ZIC5: variants seen among roughly 807,000 people sequenced by gnomAD.
ZIC5 encodes zinc finger protein ZIC 5.
Under a neutral mutation model 28.5 loss-of-function variants are expected in ZIC5, and 20 were observed. That is an observed-to-expected ratio of 0.70 (90% CI 0.49 to 1.02). ZIC5 has a LOEUF of 1.02. Among genes scored for constraint, ZIC5 ranks in the 50% least tolerant of loss-of-function variants. The pLI is 0.00. For synonymous variants in ZIC5, 488 were observed against 410.4 expected (o/e 1.19, Z -2.29); for missense variants, 951 against 899.7 (o/e 1.06, Z -0.73).
rs763986992 is a variant in ZIC5, at chr13:99,971,037, G to C, written c.567C>G (p.His189Gln). 7.0e-6 allele frequency: 10 copies of C among 1,423,190 alleles called. No individual in the cohort carries two copies. The highest frequency in any genetic ancestry group is 6.0e-5 in the South Asian group (4 of 67,028). 88.2% of individuals were successfully genotyped at this position (1,423,190 alleles called of 1,614,324 possible). A position where few individuals can be genotyped will look rare whatever the true frequency, so the allele number is the denominator to read the frequency against. ...LSATAPAAAM[H>Q]GAPLGGEQRS... ...GCTGCTCCCCTCCGAGCGGGGCCCC[G>C]TGCATGGCCGCCGCGGGGGCCGTGG... The change falls in exon 1 of 2, where the codon CAC becomes CAG. Residue 189 changes from histidine (H) to glutamine (Q), a missense_variant. Around this residue, in one of 3 missense-constraint regions of ZIC5, gnomAD observed 784 missense variants for 660.1 expected, o/e 1.19. Transcript: ENST00000267294.
chr13:99,970,427 G>A lies in ZIC5; in HGVS notation c.1177C>T (p.Pro393Ser). The A allele has an allele frequency of 1.0e-6, 1 of 999,840 alleles. No homozygotes were observed. Among genetic ancestry groups the A allele is most frequent in the Non-Finnish European group, 1.2e-6 (1 of 833,578 alleles). The allele number at this position is 999,840 out of a possible 1,614,324, so 61.9% of individuals were successfully genotyped here. ...GCCGGGGGCGGTGGCGGCGGCGGCG[G>A]CGGCGGCGGCGGCGGCGGCGGCAGC... ...AGLPPPPPPP[P>S]PPPPPPPAGG... Residue 393 changes from proline to serine, a missense_variant, in exon 1 of 2, where the codon CCG (proline) becomes TCG (serine). By Grantham distance (74) the Pro-to-Ser change is moderately conservative. Transcript: ENST00000267294.
Position 99,971,523 on chromosome 13 carries a change from C to T in ZIC5, c.81G>A (p.Gln27=). Residue 27 remains glutamine, a synonymous_variant, in exon 1 of 2, where the codon CAG becomes CAA. Transcript: ENST00000267294. ...CCAGCGCCGGGAAGCCTGTCATATT[C>T]TGAAGCGGCTGGACCTGAGCCGTTG... The part of the protein sequence containing the change: ...DLATAQVQPL[Q]NMTGFPALAG... 1 of 1,551,960 alleles carries T rather than the reference C, an allele frequency of 6.4e-7. No individual in the cohort carries two copies. Among genetic ancestry groups the T allele is most frequent in the Non-Finnish European group, 8.7e-7 (1 of 1,147,166 alleles).
At chr13:99,969,344 C>T (rs1174244107) in intron 1 of ZIC5, among the ~76,000 whole-genome samples, 3 of 152,194 alleles carry the variant, frequency 2.0e-5, no homozygotes, top group Admixed American at 6.5e-5. Flanking sequence ...ACTCCAGCAC[C>T]CTCCAGGGCG....
Position 99,971,149 on chromosome 13 carries a change from G to C in ZIC5, c.455C>G (p.Ser152Trp). The part of the protein sequence containing the change: ...PPPPPPPPAL[S>W]GYTTTNSGGG... ...GCCACTGTTGGTGGTGGTGTAGCCC[G>C]AGAGGGCAGGAGGAGGAGGAGGCGG... is the stretch of plus-strand genomic sequence containing the variant. Residue 152 changes from serine (S) to tryptophan (W), a missense_variant, in exon 1 of 2, where the codon TCG becomes TGG. Coordinates refer to ENST00000267294, the MANE Select transcript of ZIC5 (RefSeq NM_033132.5). The C allele has an allele frequency of 7.2e-7, 1 of 1,395,390 alleles. No individual in the cohort carries two copies. Among genetic ancestry groups the C allele is most frequent in the East Asian group, 3.0e-5 (1 of 32,834 alleles). The allele number at this position is 1,395,390 out of a possible 1,614,324, so 86.4% of individuals were successfully genotyped here.
chr13:99,966,662 C>A (rs1217945878), intron 1 of ZIC5, among the ~76,000 whole-genome samples: 1 of 152,152 alleles, frequency 6.6e-6, no homozygotes, highest in Non-Finnish European at 1.5e-5. Flanking sequence ...TCTCACAGCT[C>A]CCTACATTGC....
rs1470972247 is a variant in ZIC5, at chr13:99,971,322, C to T, written c.282G>A (p.Pro94=). 3 of 1,375,106 alleles carry T rather than the reference C, an allele frequency of 2.2e-6. No homozygotes were observed. The highest frequency in any genetic ancestry group is 3.1e-5 in the African/African-American group (2 of 65,064). The allele number at this position is 1,375,106 out of a possible 1,614,324, so 85.2% of individuals were successfully genotyped here. A position where few individuals can be genotyped will look rare whatever the true frequency, so the allele number is the denominator to read the frequency against. ...AGGCTGCAGCACGGGCGGCGGCTGC[C>T]GGAGCCTCCGGGTGTGCCGGGAACG... is the stretch of plus-strand genomic sequence containing the variant. ...SQAFPAHPEA[P]AAAARAAALV... is the part of the protein sequence containing the mutation. Residue 94 remains proline (P), a synonymous_variant, in exon 1 of 2, where the codon CCG becomes CCA. Transcript: ENST00000267294.
chr13:99,968,940 G>C (rs1024447078), intron 1 of ZIC5, among the ~76,000 whole-genome samples: 1 of 152,242 alleles, frequency 6.6e-6, no homozygotes, highest in Non-Finnish European at 1.5e-5. Context: ...CCCGGCCCGA[G>C]CGTGGGACCC....
rs1348730714 is a variant in ZIC5, at chr13:99,965,584, C to T, written c.1713G>A (p.Val571=). Residue 571 remains valine, a synonymous_variant, in exon 2 of 2, where the codon GTG becomes GTA. Transcript: ENST00000267294. The stretch of plus-strand genomic sequence containing the variant: ...CCAGCACAGGGGACAAGGGGGCGCC[C>T]ACTGGAGTCCCCACTGATGAGTAAC... ...PLGYSSVGTP[V]GAPLSPVLDP... is the part of the protein sequence containing the mutation. The T allele has an allele frequency of 7.4e-6, 12 of 1,613,840 alleles. No homozygotes were observed. The highest frequency in any genetic ancestry group is 1.7e-5 in the Admixed American group (1 of 60,004).
At chr13:99,969,188 C>T (rs1010665734) in intron 1 of ZIC5, among the ~76,000 whole-genome samples, 2 of 152,200 alleles carry the variant, frequency 1.3e-5, no homozygotes, top group Non-Finnish European at 1.5e-5. Flanking sequence ...GCTGTGGGAT[C>T]CCCAGAGGCA....
intron 1 of ZIC5, 23 bp downstream of exon 1, chr13:99,970,104 C>T (rs1464430534): frequency 1.9e-6 from 3 of 1,606,630 alleles, no homozygotes; most frequent in East Asian, 2.2e-5. Flanking sequence ...GCGGCGGCGG[C>T]GCGGCCGGGG....
In ZIC5 at chr13:99,964,528, T is replaced by C. The variant is rs905552915; in HGVS notation, c.*849A>G. 6.6e-6 allele frequency: 1 copy of C among 152,500 alleles called. No individual in the cohort carries two copies. Among genetic ancestry groups the C allele is most frequent in the Non-Finnish European group, 1.5e-5 (1 of 68,030 alleles). 9.4% of individuals were successfully genotyped at this position (152,500 alleles called of 1,614,324 possible). A position where few individuals can be genotyped will look rare whatever the true frequency, so the allele number is the denominator to read the frequency against. ...ATATAGGAAAAAGAAAGCACTTGAA[T>C]TTCTTCTATTTTATAAAATATCACA... On this transcript the variant is annotated 3_prime_UTR_variant, in exon 2 of 2. Transcript: ENST00000267294.
In ZIC5 at chr13:99,965,431, C is replaced by T; in HGVS notation, c.1866G>A (p.Glu622=). Residue 622 remains glutamate, a synonymous_variant, in exon 2 of 2, where the codon GAG becomes GAA. Transcript: ENST00000267294. The stretch of plus-strand genomic sequence containing the variant: ...TCCCGTAAATTTCCTCATCTTCAGT[C>T]TCAGAGGTGGTTCCGTTGCTGGAAG... The part of the protein sequence containing the change: ...HTPSSNGTTS[E]TEDEEIYGNP... 2 of 1,614,132 alleles carry T rather than the reference C, an allele frequency of 1.2e-6. No homozygotes were observed. Among genetic ancestry groups the T allele is most frequent in the South Asian group, 2.2e-5 (2 of 91,072 alleles).
rs755458508 is a variant in ZIC5 at position 99,970,161 on chromosome 13, G to T, written c.1443C>A (p.Ser481=). Residue 481 remains serine (S), a synonymous_variant, in exon 1 of 2, where the codon TCC becomes TCA. Transcript: ENST00000267294. ...TACGCTTGTGGATCTTGAGGTTCTC[G>T]GAGCGCGCGAAGACCTTGCCGCAGC... ...FPGCGKVFAR[S]ENLKIHKRTH... 1 of 1,610,862 alleles carries T rather than the reference G, an allele frequency of 6.2e-7. No homozygotes were observed. The highest frequency in any genetic ancestry group is 8.5e-7 in the Non-Finnish European group (1 of 1,178,924).
chr13:99,970,011 G>A, intron 1 of ZIC5, 116 bp downstream of exon 1: 6 of 1,490,380 alleles, frequency 4.0e-6, no homozygotes, highest in South Asian at 3.5e-5. Flanking sequence ...AAGAGAAGCA[G>A]CAGAAGGAGA....
rs2053139171 is a variant in ZIC5, at chr13:99,970,363, A to G, written c.1241T>C (p.Met414Thr). ...AKPCSKTFGT[M>T]HELVNHVTVE... ...CGTGACGTGATTCACCAGCTCGTGC[A>G]TGGTGCCGAAAGTTTTGGAGCAGGG... The change falls in exon 1 of 2, where the codon ATG (methionine) becomes ACG (threonine). Residue 414 changes from methionine (M) to threonine (T), a missense_variant. Coordinates refer to ENST00000267294, the MANE Select transcript of ZIC5 (RefSeq NM_033132.5). The G allele has an allele frequency of 3.1e-6, 5 of 1,596,614 alleles. No homozygotes were observed. Among genetic ancestry groups the G allele is most frequent in the Non-Finnish European group, 4.3e-6 (5 of 1,173,552 alleles).
At position 99,965,204 on chromosome 13, in the gene ZIC5, A is replaced by T; in HGVS notation, c.*173T>A. The T allele has an allele frequency of 2.3e-6, 1 of 432,282 alleles. No homozygotes were observed. Among genetic ancestry groups the T allele is most frequent in the Non-Finnish European group, 3.8e-6 (1 of 264,012 alleles). The allele number at this position is 432,282 out of a possible 1,614,324, so 26.8% of individuals were successfully genotyped here. A position where few individuals can be genotyped will look rare whatever the true frequency, so the allele number is the denominator to read the frequency against. ...AAAAAAAAGCCCAAATATCTTAATT[A>T]AATTAATTAAATGTACAAACACCAT... On this transcript the variant is annotated 3_prime_UTR_variant, in exon 2 of 2. Transcript: ENST00000267294.
In ZIC5 at chr13:99,970,900, A is replaced by G. The variant is rs1203235726; in HGVS notation, c.704T>C (p.Leu235Pro). The change falls in exon 1 of 2, where the codon CTC (leucine) becomes CCC (proline). Residue 235 changes from leucine (L) to proline (P), a missense_variant. Around this residue, in one of 3 missense-constraint regions of ZIC5, gnomAD observed 784 missense variants for 660.1 expected, o/e 1.19. Transcript: ENST00000267294. The stretch of plus-strand genomic sequence containing the variant: ...CGGCGTGTCGTGCAGCGCGGGGAAG[A>G]GCGCCGGGCCGCCGCTGCCGTCCGG... Reference protein sequence around the residue: ...AGPDGSGGPALFPALHDTPGA... With the variant: ...AGPDGSGGPAPFPALHDTPGA... The G allele has an allele frequency of 1.5e-6, 2 of 1,341,042 alleles. No individual in the cohort carries two copies. Among genetic ancestry groups the G allele is most frequent in the Non-Finnish European group, 1.9e-6 (2 of 1,057,158 alleles). The allele number at this position is 1,341,042 out of a possible 1,614,324, so 83.1% of individuals were successfully genotyped here. A position where few individuals can be genotyped will look rare whatever the true frequency, so the allele number is the denominator to read the frequency against.
upstream of ZIC5, chr13:99,971,768 G>GTT: frequency 6.7e-7 from 1 of 1,488,598 alleles, no homozygotes; most frequent in South Asian, 1.2e-5. Flanking sequence ...TTGGCAGAGT[G>GTT]AACACCACAT....
rs765284967 is a variant in ZIC5 at position 99,970,648 on chromosome 13, G to A, written c.956C>T (p.Ala319Val). 1.9e-4 allele frequency: 213 copies of A among 1,141,158 alleles called. No individual in the cohort carries two copies. Among genetic ancestry groups the A allele is most frequent in the East Asian group, 2.2e-4 (3 of 13,848 alleles). 70.7% of individuals were successfully genotyped at this position (1,141,158 alleles called of 1,614,324 possible). The stretch of plus-strand genomic sequence containing the variant: ...CAGGTGGGGCCCGGGCCCGGCCGCT[G>A]CTGCGGCCGCCGCAGCCGCCAGGTT... ...NLNLAAAAAA[A>V]AAGPGPHLQH... The change falls in exon 1 of 2, where the codon GCA (alanine) becomes GTA (valine). Residue 319 changes from alanine (A) to valine (V), a missense_variant. Ala to Val is a moderately conservative substitution (Grantham distance 64). Transcript: ENST00000267294.
Sources: allele counts gnomAD v4.1 joint callset (sites outside exome capture counted in the v4.1 genomes callset), GRCh38; gene constraint gnomAD v4.1.1; regional missense constraint gnomAD v4.1.1; transcripts MANE v1.5; gene names NCBI Gene and HGNC (gene_info 2026-07-23, HGNC 2026-07-21).